GPAT3: variants seen among roughly 807,000 people sequenced by gnomAD.
The protein encoded by GPAT3 is glycerol-3-phosphate acyltransferase 3.
A neutral mutation model predicts 58.8 loss-of-function variants in GPAT3; 53 were observed. The observed-to-expected ratio is 0.90, with a 90% CI of 0.72 to 1.13. The LOEUF (loss-of-function observed/expected upper bound fraction) is 1.13, where lower values mean the gene tolerates loss of function less well. Among genes scored for constraint, GPAT3 ranks in the 50% most tolerant of loss-of-function variants. The pLI, the probability that GPAT3 is intolerant of heterozygous loss-of-function variation, is 0.00. For synonymous variants in GPAT3, 197 were observed against 187.4 expected, an observed-to-expected ratio of 1.05 and a Z score of -0.42; for missense variants, 511 against 527.6, an observed-to-expected ratio of 0.97 and a Z score of 0.31.
intron 2 of GPAT3, among the ~76,000 whole-genome samples, chr4:83,564,967 A>G (rs2045524): frequency 0.018 from 2,650 of 150,712 alleles, 76 homozygotes; most frequent in African/African-American, 0.062. Context: ...AAAATCTTTG[A>G]TTCATTTATT....
chr4:83,580,921 C>G (rs1417939519), intron 2 of GPAT3, among the ~76,000 whole-genome samples: 2 of 151,684 alleles, frequency 1.3e-5, no homozygotes, highest in Non-Finnish European at 2.9e-5. Context: ...ATGGTGAAAC[C>G]CTGTCTCTAT....
At chr4:83,594,522 T>C (rs879306324) in intron 6 of GPAT3, among the ~76,000 whole-genome samples, 3 of 152,200 alleles carry the variant, frequency 2.0e-5, no homozygotes, top group Non-Finnish European at 4.4e-5. Context: ...TTTTAAATCT[T>C]TGTCAGTGTG....
At position 83,604,632 on chromosome 4, in the gene GPAT3, A is replaced by G. The variant is rs574662520; in HGVS notation, c.1206-36A>G. 15 of 1,544,574 alleles carry G rather than the reference A, an allele frequency of 9.7e-6. No individual in the cohort carries two copies. The South Asian group carries it at 1.0e-4, about 10-fold the overall frequency. On this transcript the variant is annotated intron_variant, in intron 11 of 11. Coordinates refer to ENST00000264409, the MANE Select transcript of GPAT3 (RefSeq NM_032717.5). The stretch of plus-strand genomic sequence containing the variant: ...GTTAACTCTTTTAAATCACCGCTGT[A>G]AAGTATCTTTTATGTATTTGTCTTT...
At chr4:83,545,714 A>G (rs1224700150) in intron 2 of GPAT3, among the ~76,000 whole-genome samples, 1 of 152,160 alleles carries the variant, frequency 6.6e-6, no homozygotes, top group African/African-American at 2.4e-5. Flanking sequence ...GCTATATTTT[A>G]TCCTTTTTTT....
At chr4:83,583,638 G>A (rs148458097) in intron 3 of GPAT3, among the ~76,000 whole-genome samples, 1,638 of 117,372 alleles carry the variant, frequency 0.014, 50 homozygotes, top group African/African-American at 0.052. Flanking sequence ...CTACACTCCA[G>A]CCTGGGTGAC....
chr4:83,562,199 A>ATATATATT (rs5859879), intron 2 of GPAT3, among the ~76,000 whole-genome samples: 33 of 36,026 alleles, frequency 9.2e-4, no homozygotes, highest in African/African-American at 2.7e-3. Context: ...ATATATATAT[A>ATATATATT]ATATATATAT....
At chr4:83,587,945 T>C (rs1423155749) in intron 4 of GPAT3, among the ~76,000 whole-genome samples, 1 of 152,204 alleles carries the variant, frequency 6.6e-6, no homozygotes, top group Non-Finnish European at 1.5e-5. Context: ...TTTATCTCGT[T>C]CAGGAATTTG....
rs1560621497 is a variant in GPAT3 at position 83,579,084 on chromosome 4, TTCCTTCCTTCC to T, written c.209-2476_209-2466del. On this transcript the variant is annotated intron_variant, in intron 2 of 11. Transcript: ENST00000264409. ...TTTCTTTCTTTCTTTCTTTCTTCCC[TTCCTTCCTTCC>T]TTCCTTCCTTCCTTCCTTCCTTCCT... Among the ~76,000 whole-genome samples, 16 of 62,316 alleles carry T rather than the reference TTCCTTCCTTCC, an allele frequency of 2.6e-4. 1 individual carries two copies. The highest frequency in any genetic ancestry group is 8.2e-4 in the South Asian group (1 of 1,214). The allele number at this position is 62,316 out of a possible 152,430, so 40.9% of individuals were successfully genotyped here.
intron 2 of GPAT3, among the ~76,000 whole-genome samples, chr4:83,563,645 C>G (rs930514834): frequency 1.3e-5 from 2 of 151,958 alleles, no homozygotes; most frequent in African/African-American, 4.8e-5. Flanking sequence ...CCACACCCAG[C>G]TAATTTTTGT....
intron 2 of GPAT3, among the ~76,000 whole-genome samples, chr4:83,558,229 A>C (rs1000111549): frequency 2.0e-5 from 3 of 152,042 alleles, no homozygotes; most frequent in Non-Finnish European, 4.4e-5. Flanking sequence ...AAAAAAAGAA[A>C]GTCATCTTGA....
chr4:83,600,942 A>G (rs1727033634), intron 11 of GPAT3, among the ~76,000 whole-genome samples: 1 of 152,148 alleles, frequency 6.6e-6, no homozygotes, highest in South Asian at 2.1e-4. Context: ...AGAAAAGTTT[A>G]TTTCAGACAA....
Position 83,590,247 on chromosome 4 carries a change from C to T in GPAT3, c.693C>T (p.Ser231=). 1.9e-6 allele frequency: 3 copies of T among 1,613,882 alleles called. No individual in the cohort carries two copies. Among genetic ancestry groups the T allele is most frequent in the Non-Finnish European group, 1.7e-6 (2 of 1,179,866 alleles). Residue 231 remains serine, a synonymous_variant, in exon 6 of 12, where the codon TCC becomes TCT. Coordinates refer to ENST00000264409, the MANE Select transcript of GPAT3 (RefSeq NM_032717.5). ...KGGICVANHT[S]PIDVLILTTD... Reference sequence around the variant, plus strand: ...GCATTTGTGTTGCCAACCATACTTCCCCCATTGATGTTTTAATCTTGACAA... The same window carrying T: ...GCATTTGTGTTGCCAACCATACTTCTCCCATTGATGTTTTAATCTTGACAA...
chr4:83,540,350 A>C (rs1194822722), intron 1 of GPAT3, among the ~76,000 whole-genome samples: 1 of 152,142 alleles, frequency 6.6e-6, no homozygotes, highest in Non-Finnish European at 1.5e-5. Context: ...CTTTAGGACC[A>C]TTTCGCTGAC....
At chr4:83,597,923 A>G (rs1379974) in intron 9 of GPAT3, 128 bp from the exon 10 acceptor site, 622,483 of 1,051,444 alleles carry the variant, frequency 0.59, 187,142 homozygotes, top group Middle Eastern at 0.74. Context: ...GATAAATTCC[A>G]TCAAGTGAAA....
chr4:83,600,792 G>C lies in GPAT3; in HGVS notation c.1205+2069G>C, dbSNP rs544456341. Among the ~76,000 whole-genome samples, 6 of 152,222 alleles carry C rather than the reference G, an allele frequency of 3.9e-5. No individual in the cohort carries two copies. In the South Asian group the frequency reaches 1.0e-3, roughly 26 times the overall value. On this transcript the variant is annotated intron_variant, in intron 11 of 11. Coordinates refer to ENST00000264409, the MANE Select transcript of GPAT3 (RefSeq NM_032717.5). ...GCTAGGATTACAGACGTGAGCCACCGATCCTGGCCGGGAGATTGGATTCTT... is the reference window on the plus strand; with the variant it reads ...GCTAGGATTACAGACGTGAGCCACCCATCCTGGCCGGGAGATTGGATTCTT...
chr4:83,551,082 C>T (rs1218098432), intron 2 of GPAT3, among the ~76,000 whole-genome samples: 1 of 152,168 alleles, frequency 6.6e-6, no homozygotes, highest in Admixed American at 6.5e-5. Context: ...AATTCTATAT[C>T]TCCTAAAATA....
At chr4:83,590,635 A>ATTCCACC (rs1726560223) in intron 6 of GPAT3, among the ~76,000 whole-genome samples, 1 of 152,178 alleles carries the variant, frequency 6.6e-6, no homozygotes, top group African/African-American at 2.4e-5. Context: ...TTACAGTTGC[A>ATTCCACC]CATATCCCCT....
At chr4:83,602,457 G>T (rs1468628161) in intron 11 of GPAT3, among the ~76,000 whole-genome samples, 2 of 152,046 alleles carry the variant, frequency 1.3e-5, no homozygotes, top group Non-Finnish European at 2.9e-5. Context: ...TGTACCTATT[G>T]GTTATGAATT....
chr4:83,598,220 A>G (rs1202040572), intron 10 of GPAT3, 41 bp downstream of exon 10: 2 of 1,588,586 alleles, frequency 1.3e-6, no homozygotes, highest in African/African-American at 1.4e-5. Flanking sequence ...GGTAGAGGCA[A>G]GGAGATCTTC....
Sources: gnomAD v4.1 joint callset for allele counts (sites outside exome capture counted in the v4.1 genomes callset) on GRCh38, gnomAD v4.1.1 for gene constraint, MANE v1.5 for transcripts, NCBI Gene and HGNC (gene_info 2026-07-23, HGNC 2026-07-21) for gene names.